Variants in SLC8A1 observed in about 807,000 individuals in gnomAD.
SLC8A1 encodes solute carrier family 8 member A1.
SLC8A1 carries 18 observed loss-of-function variants against 68.3 expected under a neutral mutation model. That is an observed-to-expected ratio of 0.26 (90% CI 0.18 to 0.39). SLC8A1 has a LOEUF of 0.39. Ranked by LOEUF, SLC8A1 falls within the 10% of genes least tolerant of loss-of-function variation. The pLI, the probability that SLC8A1 is intolerant of heterozygous loss-of-function variation, is 1.00. For missense variants in SLC8A1, 985 were observed against 1,156.7 expected, an observed-to-expected ratio of 0.85 and a Z score of 2.15; for synonymous variants, 475 against 415.5, an observed-to-expected ratio of 1.14 and a Z score of -1.74.
At chr2:40,107,456 G>A (rs999576544) in exon 8 of SLC8A1, 1 of 151,636 alleles carries the variant, frequency 6.6e-6, no homozygotes, top group Non-Finnish European at 1.5e-5. Flanking sequence ...AAAAGGCAGA[G>A]GGCAATTAAA....
chr2:40,228,464 T>C (rs970578452), intron 2 of SLC8A1, among the ~76,000 whole-genome samples: 5 of 152,204 alleles, frequency 3.3e-5, no homozygotes, highest in African/African-American at 9.6e-5. Context: ...TGCAGCTGTC[T>C]ACGAAACAAA....
chr2:40,188,010 A>G (rs900312859), intron 2 of SLC8A1, among the ~76,000 whole-genome samples: 1 of 152,226 alleles, frequency 6.6e-6, no homozygotes, highest in Non-Finnish European at 1.5e-5. Context: ...TTACCTACAC[A>G]TGCCTGCTGA....
chr2:40,167,437 TAATAA>T (rs1158706096), intron 4 of SLC8A1, among the ~76,000 whole-genome samples: 1 of 152,232 alleles, frequency 6.6e-6, no homozygotes, highest in East Asian at 1.9e-4. Context: ...AAAACAAACT[TAATAA>T]AGTATAAACA....
At chr2:40,360,914 T>C (rs1262997301) in intron 2 of SLC8A1, among the ~76,000 whole-genome samples, 2 of 152,110 alleles carry the variant, frequency 1.3e-5, no homozygotes, top group Non-Finnish European at 2.9e-5. Context: ...CAAGGATAAA[T>C]TGTGAGTCAG....
At chr2:40,360,033 C>T (rs1674111814) in intron 2 of SLC8A1, among the ~76,000 whole-genome samples, 1 of 151,834 alleles carries the variant, frequency 6.6e-6, no homozygotes. Flanking sequence ...TTCTTTAGTG[C>T]CCACTGGCAT....
intron 2 of SLC8A1, among the ~76,000 whole-genome samples, chr2:40,348,066 T>C (rs1183418902): frequency 6.6e-6 from 1 of 152,190 alleles, no homozygotes; most frequent in Non-Finnish European, 1.5e-5. Flanking sequence ...TTGGGAGTCA[T>C]AGAGAAGCTG....
chr2:40,350,317 A>C (rs1011986835), intron 2 of SLC8A1, among the ~76,000 whole-genome samples: 1 of 152,022 alleles, frequency 6.6e-6, no homozygotes, highest in South Asian at 2.1e-4. Context: ...CTCTGTCTCT[A>C]CAAAAATTTA....
chr2:40,477,653 G>A (rs1559757974), intron 1 of SLC8A1, among the ~76,000 whole-genome samples: 1 of 152,122 alleles, frequency 6.6e-6, no homozygotes, highest in Non-Finnish European at 1.5e-5. Flanking sequence ...TAAGCCACAT[G>A]AGTAATTTTC....
intron 5 of SLC8A1, 91 bp from the exon 9 acceptor site, chr2:40,160,955 T>C (rs1320340859): frequency 5.8e-6 from 5 of 862,210 alleles, no homozygotes; most frequent in South Asian, 1.4e-5. Flanking sequence ...TCCAGAGTTA[T>C]ATAAAGGGTA....
intron 2 of SLC8A1, among the ~76,000 whole-genome samples, chr2:40,216,828 C>T (rs144978071): frequency 0.011 from 1,742 of 152,214 alleles, 38 homozygotes; most frequent in African/African-American, 0.039. Context: ...TCAGATCCTT[C>T]GCCCACTTTT....
chr2:40,316,885 T>A (rs1024504271), intron 2 of SLC8A1, among the ~76,000 whole-genome samples: 1 of 152,008 alleles, frequency 6.6e-6, no homozygotes, highest in African/African-American at 2.4e-5. Context: ...AGGGCATTCA[T>A]CATCCCTGAA....
chr2:40,348,261 G>T (rs1480188412), intron 2 of SLC8A1, among the ~76,000 whole-genome samples: 1 of 152,158 alleles, frequency 6.6e-6, no homozygotes, highest in African/African-American at 2.4e-5. Context: ...TTGCTCTGAA[G>T]ACATAACCGC....
intron 4 of SLC8A1, among the ~76,000 whole-genome samples, chr2:40,170,649 A>G (rs2047306415): frequency 6.6e-6 from 1 of 152,220 alleles, no homozygotes. Flanking sequence ...CAGGTATCTT[A>G]AATGATGTGT....
At chr2:40,266,978 T>G (rs2065438159) in intron 2 of SLC8A1, among the ~76,000 whole-genome samples, 1 of 152,126 alleles carries the variant, frequency 6.6e-6, no homozygotes, top group Non-Finnish European at 1.5e-5. Flanking sequence ...TACAGGTAAA[T>G]GAGGGGGTGA....
At chr2:40,462,215 C>T (rs1467365271) in intron 1 of SLC8A1, among the ~76,000 whole-genome samples, 1 of 151,580 alleles carries the variant, frequency 6.6e-6, no homozygotes, top group Non-Finnish European at 1.5e-5. Context: ...CCATGTTTGC[C>T]AGGCTGGTCT....
chr2:40,212,281 A>ATTTT (rs371395367), intron 2 of SLC8A1, among the ~76,000 whole-genome samples: 10 of 118,212 alleles, frequency 8.5e-5, no homozygotes, highest in East Asian at 2.2e-4. Flanking sequence ...GAGATGCAAT[A>ATTTT]TCTTTTTTTT....
At chr2:40,157,869 T>TTAAC (rs1484501225) in intron 6 of SLC8A1, among the ~76,000 whole-genome samples, 1 of 152,172 alleles carries the variant, frequency 6.6e-6, no homozygotes, top group Non-Finnish European at 1.5e-5. Context: ...CATAAATCCT[T>TTAAC]TAACTCTTCA....
At chr2:40,164,879 A>T in exon 5 of SLC8A1, 1 of 1,613,868 alleles carries the variant, frequency 6.2e-7, no homozygotes, top group Non-Finnish European at 8.5e-7. Flanking sequence ...TTCTTCAATG[A>T]TCACTTCCAA....
chr2:40,336,334 A>C (rs1316049573), intron 2 of SLC8A1, among the ~76,000 whole-genome samples: 3 of 152,222 alleles, frequency 2.0e-5, no homozygotes, highest in Non-Finnish European at 4.4e-5. Flanking sequence ...TAAACAAATT[A>C]ATGAATGAAT....
Sources: allele counts gnomAD v4.1 joint callset (sites outside exome capture counted in the v4.1 genomes callset), GRCh38; gene constraint gnomAD v4.1.1; transcripts MANE v1.5; gene names NCBI Gene and HGNC (gene_info 2026-07-23, HGNC 2026-07-21).